The following FERRY3 variants were observed in gnomAD, a reference collection of about 807,000 sequenced individuals.
The protein encoded by FERRY3 is FERRY endosomal RAB5 effector complex subunit 3.
At chr12:4,533,010 C>T in the FERRY3 span, among the ~76,000 whole-genome samples, 2 of 152,188 alleles carry the variant, frequency 1.3e-5, no homozygotes, top group African/African-American at 2.4e-5. Context: ...TCCTATCATT[C>T]GCTGCTCGGT....
the FERRY3 span, chr12:4,505,372 T>C: frequency 1.2e-6 from 2 of 1,601,072 alleles, no homozygotes; most frequent in African/African-American, 2.7e-5. Context: ...CCATTTTGGT[T>C]TCCAGAATCT....
At chr12:4,500,340 CCT>C in the FERRY3 span, 2 of 1,611,908 alleles carry the variant, frequency 1.2e-6, no homozygotes, top group East Asian at 2.2e-5. Context: ...ATAAAATTCC[CCT>C]GTGAACAATA....
chr12:4,517,242 A>G, the FERRY3 span: 83 of 1,431,096 alleles, frequency 5.8e-5, no homozygotes, highest in Non-Finnish European at 7.3e-5. Context: ...TCAAATATTT[A>G]GTATTTACTT....
chr12:4,516,394 T>C, the FERRY3 span, among the ~76,000 whole-genome samples: 1 of 152,204 alleles, frequency 6.6e-6, no homozygotes, highest in Non-Finnish European at 1.5e-5. Context: ...GAAATCATTC[T>C]ATATAAAGAT....
chr12:4,505,484 G>A, the FERRY3 span: 3 of 747,484 alleles, frequency 4.0e-6, no homozygotes, highest in South Asian at 4.8e-5. Context: ...ATTCACTAAG[G>A]GCATCTATGT....
chr12:4,494,486 C>G, the FERRY3 span, among the ~76,000 whole-genome samples: 1 of 152,148 alleles, frequency 6.6e-6, no homozygotes, highest in Non-Finnish European at 1.5e-5. Flanking sequence ...TAGGTCTGAT[C>G]CATTTTAAAT....
the FERRY3 span, chr12:4,500,298 T>C: frequency 2.5e-6 from 4 of 1,614,052 alleles, no homozygotes; most frequent in Admixed American, 5.0e-5. Context: ...GAAAGCAACA[T>C]GGATTTCTGA....
the FERRY3 span, among the ~76,000 whole-genome samples, chr12:4,521,795 T>C: frequency 1.3e-5 from 2 of 152,150 alleles, no homozygotes; most frequent in African/African-American, 2.4e-5. Context: ...AAACAATATA[T>C]ATCATGACCT....
the FERRY3 span, among the ~76,000 whole-genome samples, chr12:4,535,639 G>C: frequency 2.0e-5 from 3 of 152,246 alleles, no homozygotes; most frequent in Non-Finnish European, 2.9e-5. The surrounding 1 kb of genome is among the most constrained non-coding windows in gnomAD (Gnocchi z 4.0). Context: ...CTGTTCTATG[G>C]CATCTCAGAA....
the FERRY3 span, among the ~76,000 whole-genome samples, chr12:4,504,347 G>C: frequency 1.3e-5 from 2 of 152,156 alleles, no homozygotes; most frequent in African/African-American, 2.4e-5. Context: ...GTACCATTTA[G>C]TTAAAAAATT....
chr12:4,488,446 C>A, the FERRY3 span: 1 of 152,254 alleles, frequency 6.6e-6, no homozygotes, highest in Admixed American at 6.5e-5. The surrounding 1 kb of genome is among the most constrained non-coding windows in gnomAD (Gnocchi z 4.9). Context: ...GGGCAAAACA[C>A]CTGCCTTCTT....
the FERRY3 span, among the ~76,000 whole-genome samples, chr12:4,530,771 A>G: frequency 6.6e-6 from 1 of 152,166 alleles, no homozygotes. Context: ...AACAGGGAGA[A>G]ACAAAATGGG....
the FERRY3 span, chr12:4,489,790 T>A: frequency 6.5e-6 from 10 of 1,539,472 alleles, 1 homozygote; most frequent in Admixed American, 1.8e-4. Context: ...TCTGCCAGCA[T>A]GTCAATCTAT....
At chr12:4,521,038 A>G in the FERRY3 span, among the ~76,000 whole-genome samples, 1 of 152,146 alleles carries the variant, frequency 6.6e-6, no homozygotes, top group East Asian at 1.9e-4. Flanking sequence ...AATACCCACA[A>G]TATCCAGTAA....
chr12:4,536,575 C>T, the FERRY3 span, among the ~76,000 whole-genome samples: 1 of 151,894 alleles, frequency 6.6e-6, no homozygotes, highest in Non-Finnish European at 1.5e-5. Flanking sequence ...CTTAAGAAAC[C>T]GTTGGTAAAA....
At chr12:4,528,698 G>T in the FERRY3 span, among the ~76,000 whole-genome samples, 12,860 of 152,048 alleles carry the variant, frequency 0.085, 672 homozygotes, top group Non-Finnish European at 0.12. Flanking sequence ...GTACACAGAA[G>T]AGAGTATCCC....
the FERRY3 span, among the ~76,000 whole-genome samples, chr12:4,499,645 TGTTA>T: frequency 6.6e-6 from 1 of 152,180 alleles, no homozygotes; most frequent in Non-Finnish European, 1.5e-5. Context: ...TTGAGACAAA[TGTTA>T]AACTAAGGCT....
chr12:4,506,748 A>G, the FERRY3 span, among the ~76,000 whole-genome samples: 2 of 152,142 alleles, frequency 1.3e-5, no homozygotes, highest in African/African-American at 2.4e-5. Flanking sequence ...AAATGTGTAT[A>G]AACATTTTTG....
the FERRY3 span, among the ~76,000 whole-genome samples, chr12:4,499,655 A>G: frequency 6.6e-6 from 1 of 152,206 alleles, no homozygotes; most frequent in Non-Finnish European, 1.5e-5. Flanking sequence ...TGTTAAACTA[A>G]GGCTGGCTTC....
Sources: allele counts gnomAD v4.1 joint callset (sites outside exome capture counted in the v4.1 genomes callset), GRCh38; gene constraint gnomAD v4.1.1; non-coding constraint Gnocchi (gnomAD v3.1); transcripts MANE v1.5; gene names NCBI Gene and HGNC (gene_info 2026-07-23, HGNC 2026-07-21).